Variants in FOXN3 observed in about 807,000 individuals in gnomAD.
The protein encoded by FOXN3 is forkhead box protein N3.
FOXN3 carries 7 observed loss-of-function variants against 38.4 expected under a neutral mutation model. The ratio of observed to expected loss-of-function variants is 0.18; its 90% CI spans 0.10 to 0.34. FOXN3 has a LOEUF of 0.34. Ranked by LOEUF, FOXN3 falls within the 10% of genes least tolerant of loss-of-function variation. The pLI is 1.00. For synonymous variants in FOXN3, 230 were observed against 242.2 expected, an observed-to-expected ratio of 0.95 and a Z score of 0.47; for missense variants, 456 against 613.4, an observed-to-expected ratio of 0.74 and a Z score of 2.71.
At chr14:89,563,614 G>A (rs1031233913) in intron 1 of FOXN3, among the ~76,000 whole-genome samples, 2 of 152,180 alleles carry the variant, frequency 1.3e-5, no homozygotes, top group African/African-American at 4.8e-5. Context: ...GGGAGTAGGG[G>A]TGTTTAGATG....
chr14:89,210,296 G>A (rs149130562), intron 4 of FOXN3, among the ~76,000 whole-genome samples: 113 of 151,848 alleles, frequency 7.4e-4, no homozygotes, highest in African/African-American at 2.7e-3. Flanking sequence ...GCCTGCCCCC[G>A]CCCCTCTCAC....
intron 1 of FOXN3, among the ~76,000 whole-genome samples, chr14:89,435,483 C>A (rs1379782883): frequency 4.6e-5 from 7 of 152,236 alleles, no homozygotes; most frequent in African/African-American, 1.2e-4. Flanking sequence ...TAACTCACTG[C>A]CATCTTCCAC....
rs147819985 is a variant in FOXN3, at chr14:89,512,603, C to T, written c.-14-100113G>A. Among the ~76,000 whole-genome samples the T allele has an allele frequency of 9.3e-4, 142 of 152,310 alleles. 1 individual carries two copies. The highest frequency in any genetic ancestry group is 3.2e-3 in the African/African-American group (134 of 41,576). On this transcript the variant is annotated intron_variant, in intron 1 of 6. Coordinates refer to the FOXN3 transcript ENST00000345097. The stretch of plus-strand genomic sequence containing the variant: ...AATGATAAGAATGTTCTCCTCTTCC[C>T]GGTACGGGGAGGCCATCTTTCTCAT...
intron 1 of FOXN3, among the ~76,000 whole-genome samples, chr14:89,599,036 T>C (rs1896108499): frequency 6.6e-6 from 1 of 152,206 alleles, no homozygotes; most frequent in Admixed American, 6.5e-5. Context: ...CAGTTACACA[T>C]ATATTAGGCC....
intron 5 of FOXN3, among the ~76,000 whole-genome samples, chr14:89,172,920 G>C (rs984554535): frequency 3.9e-5 from 6 of 152,094 alleles, no homozygotes; most frequent in Non-Finnish European, 7.4e-5. Flanking sequence ...AATACTATAG[G>C]AGACTATATG....
intron 1 of FOXN3, among the ~76,000 whole-genome samples, chr14:89,497,248 C>G (rs1035246659): frequency 6.6e-6 from 1 of 152,038 alleles, no homozygotes; most frequent in African/African-American, 2.4e-5. Context: ...AGCCACCATG[C>G]CCAGCCAATT....
intron 4 of FOXN3, among the ~76,000 whole-genome samples, chr14:89,252,169 T>C (rs572711028): frequency 6.6e-6 from 1 of 152,280 alleles, no homozygotes; most frequent in South Asian, 2.1e-4. Context: ...TTAAGTAACT[T>C]GACAAAGGTT....
At chr14:89,543,139 C>T (rs1033401388) in intron 1 of FOXN3, among the ~76,000 whole-genome samples, 1 of 152,192 alleles carries the variant, frequency 6.6e-6, no homozygotes, top group Non-Finnish European at 1.5e-5. Flanking sequence ...GCTTCAACCA[C>T]CAAATAAGTT....
At chr14:89,377,360 T>A (rs1039589737) in intron 2 of FOXN3, among the ~76,000 whole-genome samples, 2 of 151,796 alleles carry the variant, frequency 1.3e-5, no homozygotes, top group Admixed American at 1.3e-4. Context: ...AGTGGACAAC[T>A]GGAGAAATCT....
intron 1 of FOXN3, among the ~76,000 whole-genome samples, chr14:89,543,326 A>C (rs1228040928): frequency 2.6e-5 from 4 of 152,150 alleles, no homozygotes. Context: ...GGGGCCAAGG[A>C]GGCACAAGAC....
intron 1 of FOXN3, among the ~76,000 whole-genome samples, chr14:89,487,756 A>G (rs1301684975): frequency 6.6e-6 from 1 of 152,160 alleles, no homozygotes; most frequent in Admixed American, 6.5e-5. Flanking sequence ...ATACACAAGC[A>G]ACTCAAATAC....
chr14:89,403,068 C>A (rs766037328), intron 2 of FOXN3, among the ~76,000 whole-genome samples: 5 of 152,224 alleles, frequency 3.3e-5, no homozygotes, highest in Non-Finnish European at 5.9e-5. Context: ...TGATACCAAT[C>A]TCACACTGAT....
At chr14:89,490,894 G>A (rs1893557448) in intron 1 of FOXN3, among the ~76,000 whole-genome samples, 1 of 152,198 alleles carries the variant, frequency 6.6e-6, no homozygotes, top group African/African-American at 2.4e-5. Flanking sequence ...TTCTAGGTAT[G>A]GCGAATCCTA....
At chr14:89,557,237 T>C (rs1482592659) in intron 1 of FOXN3, among the ~76,000 whole-genome samples, 1 of 152,234 alleles carries the variant, frequency 6.6e-6, no homozygotes, top group African/African-American at 2.4e-5. Context: ...AGTACATTAA[T>C]TGGTTCATTT....
At chr14:89,522,409 C>G (rs1426083319) in intron 1 of FOXN3, among the ~76,000 whole-genome samples, 1 of 152,124 alleles carries the variant, frequency 6.6e-6, no homozygotes, top group African/African-American at 2.4e-5. Context: ...AGATGGAACT[C>G]TGCGTGTACA....
At chr14:89,455,397 T>C (rs1299278163) in intron 1 of FOXN3, among the ~76,000 whole-genome samples, 1 of 152,208 alleles carries the variant, frequency 6.6e-6, no homozygotes, top group Non-Finnish European at 1.5e-5. Context: ...CAGAAATGAA[T>C]GCTGTCATTC....
chr14:89,461,336 C>CAAAAAAAAAAAAAAAA (rs750351493), intron 1 of FOXN3, among the ~76,000 whole-genome samples: 2 of 129,014 alleles, frequency 1.6e-5, no homozygotes, highest in African/African-American at 5.7e-5. Flanking sequence ...GGCTCTGTCT[C>CAAAAAAAAAAAAAAAA]AAAAAAAAAA....
At chr14:89,456,711 G>A (rs189634980) in intron 1 of FOXN3, among the ~76,000 whole-genome samples, 3 of 152,200 alleles carry the variant, frequency 2.0e-5, no homozygotes, top group African/African-American at 4.8e-5. Flanking sequence ...AGCCAAGATC[G>A]CACCACTGCA....
intron 1 of FOXN3, among the ~76,000 whole-genome samples, chr14:89,490,751 A>G (rs943683259): frequency 2.0e-5 from 3 of 152,260 alleles, no homozygotes; most frequent in African/African-American, 7.2e-5. Flanking sequence ...TGACAGACAC[A>G]GCCTTCGGAA....
Sources: allele counts gnomAD v4.1 joint callset (sites outside exome capture counted in the v4.1 genomes callset), GRCh38; gene constraint gnomAD v4.1.1; transcripts MANE v1.5; gene names NCBI Gene and HGNC (gene_info 2026-07-23, HGNC 2026-07-21).